Variants in MYZAP observed in about 807,000 individuals in gnomAD.
The protein encoded by MYZAP is GRINL1A complex locus upstream.
In MYZAP, 66 loss-of-function variants were observed where a neutral mutation model predicts 69.4. That is an observed-to-expected ratio of 0.95 (90% CI 0.78 to 1.17). The LOEUF (loss-of-function observed/expected upper bound fraction) is 1.17, where lower values mean the gene tolerates loss of function less well. Ranked by LOEUF, MYZAP falls within the 50% of genes most tolerant of loss-of-function variation. MYZAP has a pLI of 0.00. For synonymous variants in MYZAP, 256 were observed against 205.9 expected (o/e 1.24, Z -2.09); for missense variants, 611 against 556.2 (o/e 1.10, Z -0.99).
intron 10 of MYZAP, among the ~76,000 whole-genome samples, chr15:57,657,201 G>A (rs1387937725): frequency 6.6e-6 from 1 of 152,146 alleles, no homozygotes; most frequent in Non-Finnish European, 1.5e-5. Flanking sequence ...ACAGTGAAAC[G>A]AGTGTATTTG....
intron 4 of MYZAP, among the ~76,000 whole-genome samples, chr15:57,622,195 T>C (rs769129558): frequency 5.3e-5 from 8 of 152,050 alleles, no homozygotes; most frequent in Admixed American, 2.0e-4. Context: ...GATATAAAAT[T>C]AATATATAAT....
At chr15:57,646,042 C>T in intron 10 of MYZAP, 1 of 663,600 alleles carries the variant, frequency 1.5e-6, no homozygotes. Context: ...ATTTCAAGTA[C>T]TTCTCATAAT....
intron 6 of MYZAP, among the ~76,000 whole-genome samples, chr15:57,632,119 C>T (rs1410348224): frequency 6.6e-6 from 1 of 152,248 alleles, no homozygotes; most frequent in Non-Finnish European, 1.5e-5. Flanking sequence ...TACCTAGAAA[C>T]TGGCTTGGCC....
At chr15:57,617,890 G>A in intron 2 of MYZAP, 143 bp from the exon 3 acceptor site, 1 of 1,181,640 alleles carries the variant, frequency 8.5e-7, no homozygotes, top group Non-Finnish European at 1.1e-6. Context: ...GACTAGATGG[G>A]ATTTTTGCTC....
chr15:57,618,139 A>G lies in MYZAP; in HGVS notation c.269A>G (p.Tyr90Cys), dbSNP rs1296548468. ...AATCAGCAGAAAGAAATGGTGGTGT[A>G]TGGGTGGTCCACCAGTCAGCTGAAA... is the stretch of plus-strand genomic sequence containing the variant. ...DQNQQKEMVV[Y>C]GWSTSQLKEE... The change falls in exon 3 of 13, where the codon TAT becomes TGT. Residue 90 changes from tyrosine to cysteine, a missense_variant. Transcript: ENST00000267853. 3.4e-5 allele frequency: 55 copies of G among 1,614,062 alleles called. No individual in the cohort carries two copies. Among genetic ancestry groups the G allele is most frequent in the African/African-American group, 1.3e-5 (1 of 74,926 alleles).
intron 12 of MYZAP, among the ~76,000 whole-genome samples, 176 bp downstream of exon 12, chr15:57,675,244 C>A (rs1329021052): frequency 6.6e-6 from 1 of 152,060 alleles, no homozygotes; most frequent in Non-Finnish European, 1.5e-5. Context: ...GGGCATTGTG[C>A]AGGGTGGAGG....
At chr15:57,601,466 G>A in intron 1 of MYZAP, among the ~76,000 whole-genome samples, 1 of 152,022 alleles carries the variant, frequency 6.6e-6, no homozygotes, top group South Asian at 2.1e-4. Flanking sequence ...CAGTCTGAGG[G>A]GCCTGGAGCC....
In MYZAP at chr15:57,604,249, C is replaced by T; in HGVS notation, c.76-20C>T. ...CCAAATGCTGACTCCTAACTGGCCT[C>T]TCCTTTCCCTCTCTTCTAGGCAAAT... On this transcript the variant is annotated intron_variant, in intron 1 of 12. Transcript: ENST00000267853. 6.2e-7 allele frequency: 1 copy of T among 1,613,688 alleles called. No individual in the cohort carries two copies. Among genetic ancestry groups the T allele is most frequent in the Non-Finnish European group, 8.5e-7 (1 of 1,179,828 alleles).
intron 1 of MYZAP, among the ~76,000 whole-genome samples, chr15:57,593,381 A>G (rs1437634799): frequency 1.3e-5 from 2 of 152,080 alleles, no homozygotes; most frequent in African/African-American, 4.8e-5. Flanking sequence ...ATCTTTCTCA[A>G]TTTGAACACA....
chr15:57,679,159 A>G (rs567457735), intron 12 of MYZAP, among the ~76,000 whole-genome samples: 4 of 152,298 alleles, frequency 2.6e-5, no homozygotes, highest in African/African-American at 9.6e-5. Flanking sequence ...CTGGGCAACA[A>G]GAGTGAAACT....
At chr15:57,608,617 C>T (rs2034911522) in intron 2 of MYZAP, among the ~76,000 whole-genome samples, 1 of 152,174 alleles carries the variant, frequency 6.6e-6, no homozygotes, top group Non-Finnish European at 1.5e-5. Context: ...CACAACAATG[C>T]CTGGTTTCAA....
At chr15:57,637,557 T>A (rs2036886275) in intron 8 of MYZAP, 138 bp from the exon 9 acceptor site, 1 of 786,302 alleles carries the variant, frequency 1.3e-6, no homozygotes, top group Non-Finnish European at 2.0e-6. Flanking sequence ...GAGCCTTGTT[T>A]GGGCTTTGCT....
In MYZAP at chr15:57,604,362, T is replaced by C. The variant is rs748949826; in HGVS notation, c.162+7T>C. 6.2e-7 allele frequency: 1 copy of C among 1,614,050 alleles called. No homozygotes were observed. Among genetic ancestry groups the C allele is most frequent in the Non-Finnish European group, 8.5e-7 (1 of 1,179,988 alleles). The stretch of plus-strand genomic sequence containing the variant: ...GATTGAGAGAAAAGAGCAGGTAAGG[T>C]ATCTCCGAGGCAAAGCCCCAACAAG... On this transcript the variant is annotated splice_region_variant and intron_variant, in intron 2 of 12. Transcript: ENST00000267853.
chr15:57,635,271 C>T (rs184783760), intron 8 of MYZAP, among the ~76,000 whole-genome samples: 1 of 152,176 alleles, frequency 6.6e-6, no homozygotes, highest in African/African-American at 2.4e-5. Context: ...AAAATCCACG[C>T]CAAGTGCTAA....
intron 10 of MYZAP, among the ~76,000 whole-genome samples, chr15:57,640,119 C>G (rs978874748): frequency 1.2e-4 from 18 of 152,270 alleles, no homozygotes; most frequent in Non-Finnish European, 5.9e-5. Flanking sequence ...CCAAGCTATA[C>G]ATTTACTGTT....
chr15:57,599,660 A>T (rs12443389), intron 1 of MYZAP: 135,288 of 1,289,040 alleles, frequency 0.1, 7,809 homozygotes, highest in Admixed American at 0.17. Flanking sequence ...TGTGTATCCG[A>T]GTTTCAGGAG....
chr15:57,631,091 C>G (rs1479840610), intron 6 of MYZAP, among the ~76,000 whole-genome samples: 1 of 152,110 alleles, frequency 6.6e-6, no homozygotes, highest in Non-Finnish European at 1.5e-5. Flanking sequence ...TCTTCTTTTC[C>G]GTGTAAGAGT....
rs747323845 is a variant in MYZAP, at chr15:57,625,878, T to A, written c.511T>A (p.Ser171Thr). 6.2e-7 allele frequency: 1 copy of A among 1,614,126 alleles called. No individual in the cohort carries two copies. Among genetic ancestry groups the A allele is most frequent in the South Asian group, 1.1e-5 (1 of 91,078 alleles). ...NAMNSALASD[S>T]IGLQKTLVDV... is the part of the protein sequence containing the mutation. ...CATGAACTCAGCCTTGGCATCAGATTCCATTGGCCTGCAGGTACTCATCTG... is the reference window on the plus strand; with the variant it reads ...CATGAACTCAGCCTTGGCATCAGATACCATTGGCCTGCAGGTACTCATCTG... Residue 171 changes from serine to threonine, a missense_variant, in exon 5 of 13, where the codon TCC becomes ACC. Physicochemically the swap from Ser to Thr is moderately conservative, Grantham distance 58. Coordinates refer to ENST00000267853, the MANE Select transcript of MYZAP (RefSeq NM_001018100.5).
intron 11 of MYZAP, among the ~76,000 whole-genome samples, chr15:57,673,139 C>G (rs1214393619): frequency 6.6e-6 from 1 of 152,120 alleles, no homozygotes; most frequent in African/African-American, 2.4e-5. Flanking sequence ...CTGTTGTGCA[C>G]ACACAGAGTT....
Sources: gnomAD v4.1 joint callset for allele counts (sites outside exome capture counted in the v4.1 genomes callset) on GRCh38, gnomAD v4.1.1 for gene constraint, MANE v1.5 for transcripts, NCBI Gene and HGNC (gene_info 2026-07-23, HGNC 2026-07-21) for gene names.